The following CELF2 variants were observed in gnomAD, a reference collection of about 807,000 sequenced individuals.
The protein encoded by CELF2 is CUGBP Elav-like family member 2, also known as CUG triplet repeat RNA-binding protein 2.
Under a neutral mutation model 62.6 loss-of-function variants are expected in CELF2, and 8 were observed. The ratio of observed to expected loss-of-function variants is 0.13; its 90% CI spans 0.07 to 0.23. The LOEUF is 0.23. Among genes scored for constraint, CELF2 ranks in the 10% least tolerant of loss-of-function variants. The pLI, the probability that CELF2 is intolerant of heterozygous loss-of-function variation, is 1.00. For synonymous variants in CELF2, 258 were observed against 250.0 expected (o/e 1.03, Z -0.30); for missense variants, 333 against 671.0 (o/e 0.50, Z 5.56).
At chr10:10,784,369 C>T in the CELF2 span, 1 of 152,416 alleles carries the variant, frequency 6.6e-6, no homozygotes, top group African/African-American at 2.4e-5. Context: ...AAGTGTTAAC[C>T]AGCTCAGTGC....
the CELF2 span, among the ~76,000 whole-genome samples, chr10:10,491,357 A>G: frequency 6.6e-6 from 1 of 152,218 alleles, no homozygotes; most frequent in African/African-American, 2.4e-5. Context: ...AAATATGACT[A>G]AATGAGGTTT....
the CELF2 span, among the ~76,000 whole-genome samples, chr10:10,720,851 T>C: frequency 6.6e-6 from 1 of 152,188 alleles, no homozygotes; most frequent in Non-Finnish European, 1.5e-5. Flanking sequence ...CCTTCTGCAA[T>C]TGAATTCAGC....
intron 2 of CELF2, among the ~76,000 whole-genome samples, chr10:11,176,725 G>A (rs1038641160): frequency 6.6e-6 from 1 of 152,320 alleles, no homozygotes; most frequent in East Asian, 1.9e-4. Flanking sequence ...CTCTGCCACA[G>A]AGAGACCTTT....
chr10:10,874,168 A>T (rs2060938882), intron 1 of CELF2, among the ~76,000 whole-genome samples: 1 of 152,154 alleles, frequency 6.6e-6, no homozygotes, highest in Admixed American at 6.5e-5. Flanking sequence ...TGTTTTTGTA[A>T]ATTAGCCAGG....
the CELF2 span, among the ~76,000 whole-genome samples, chr10:10,777,654 C>T: frequency 4.8e-3 from 733 of 152,268 alleles, 9 homozygotes; most frequent in Non-Finnish European, 7.7e-3. Context: ...TCCATGTTTC[C>T]GGTGCAGCCA....
chr10:11,228,766 A>G (rs1002919008), intron 3 of CELF2, among the ~76,000 whole-genome samples: 2 of 150,680 alleles, frequency 1.3e-5, no homozygotes, highest in African/African-American at 4.9e-5. Context: ...CCATTTTATC[A>G]TTTGAGAATC....
At position 11,056,581 on chromosome 10, in the gene CELF2, T is replaced by C. The variant is rs142710726; in HGVS notation, c.74+38418T>C. On this transcript the variant is annotated intron_variant, in intron 1 of 12. Transcript: ENST00000633077. ...GGAATTCTTGTGCAGAAAGGGAAGG[T>C]ATTTGAATCGTATAAGAAGGGAGTC... Among the ~76,000 whole-genome samples, 119 of 152,324 alleles carry C rather than the reference T, an allele frequency of 7.8e-4. 2 individuals carry two copies. Among genetic ancestry groups the C allele is most frequent in the Non-Finnish European group, 1.5e-3 (101 of 68,026 alleles).
At chr10:10,759,279 A>G in the CELF2 span, among the ~76,000 whole-genome samples, 81,917 of 145,104 alleles carry the variant, frequency 0.56, 23,880 homozygotes, top group African/African-American at 0.7. Flanking sequence ...TTCACTAGAA[A>G]CTCAGTGCCC....
At chr10:10,808,129 TGTG>T (rs951977103) in intron 1 of CELF2, among the ~76,000 whole-genome samples, 5 of 152,020 alleles carry the variant, frequency 3.3e-5, no homozygotes, top group African/African-American at 7.2e-5. Context: ...GACAAGAAAA[TGTG>T]GTAGTTTCTG....
intron 3 of CELF2, among the ~76,000 whole-genome samples, chr10:11,248,503 G>A (rs5013170): frequency 0.38 from 57,149 of 151,916 alleles, 11,150 homozygotes; most frequent in East Asian, 0.61. Context: ...ATTTGTATTA[G>A]CATTTAATAA....
chr10:11,232,485 A>G (rs1476057823), intron 3 of CELF2, among the ~76,000 whole-genome samples: 2 of 152,198 alleles, frequency 1.3e-5, no homozygotes, highest in African/African-American at 4.8e-5. Flanking sequence ...AAGTGATCAC[A>G]ATCACAGCAT....
intron 1 of CELF2, among the ~76,000 whole-genome samples, chr10:10,872,930 G>A (rs11256885): frequency 0.36 from 55,264 of 151,860 alleles, 11,975 homozygotes; most frequent in East Asian, 0.73. Flanking sequence ...GCTGGTTCCA[G>A]GACTTTCTTT....
chr10:10,850,815 AT>A (rs2059338338), intron 1 of CELF2, among the ~76,000 whole-genome samples: 1 of 151,824 alleles, frequency 6.6e-6, no homozygotes, highest in Non-Finnish European at 1.5e-5. Flanking sequence ...TTTTATTTTT[AT>A]TTTTTTGAGA....
the CELF2 span, among the ~76,000 whole-genome samples, chr10:10,673,745 A>T: frequency 6.6e-6 from 1 of 152,090 alleles, no homozygotes; most frequent in Admixed American, 6.6e-5. Context: ...TTTCATTTTC[A>T]TTTGGCTCAA....
At chr10:11,284,262 CTG>C (rs139704589) in intron 8 of CELF2, among the ~76,000 whole-genome samples, 10 of 510 alleles carry the variant, frequency 0.02, no homozygotes, top group Non-Finnish European at 0.031. Context: ...TGATGGATGA[CTG>C]TGTGGTAGGT....
the CELF2 span, among the ~76,000 whole-genome samples, chr10:10,531,529 C>A: frequency 6.6e-6 from 1 of 152,126 alleles, no homozygotes; most frequent in African/African-American, 2.4e-5. Flanking sequence ...GACTTCACAT[C>A]CTATTCTGAA....
At chr10:10,953,187 A>T (rs565082161) in intron 2 of CELF2, among the ~76,000 whole-genome samples, 18 of 152,372 alleles carry the variant, frequency 1.2e-4, no homozygotes, top group African/African-American at 4.3e-4. Flanking sequence ...TGAGGCTTTT[A>T]AAGCATTGAA....
the CELF2 span, among the ~76,000 whole-genome samples, chr10:10,508,775 C>T: frequency 2.0e-5 from 3 of 151,614 alleles, no homozygotes; most frequent in Non-Finnish European, 4.4e-5. Context: ...GATCTCGGCT[C>T]ACTGCAACCT....
chr10:10,767,995 C>CAAAAAAAA, the CELF2 span, among the ~76,000 whole-genome samples: 381 of 23,014 alleles, frequency 0.017, 31 homozygotes, highest in Middle Eastern at 0.05. Context: ...GACTCCGTCT[C>CAAAAAAAA]AAAAAAAAAA....
Sources: gnomAD v4.1 joint callset for allele counts (sites outside exome capture counted in the v4.1 genomes callset) on GRCh38, gnomAD v4.1.1 for gene constraint, MANE v1.5 for transcripts, NCBI Gene and HGNC (gene_info 2026-07-23, HGNC 2026-07-21) for gene names.